MTCL2: variants seen among roughly 807,000 people sequenced by gnomAD.
The protein encoded by MTCL2 is microtubule cross-linking factor 2.
chr20:36,839,911 G>T, the MTCL2 span, among the ~76,000 whole-genome samples: 1 of 152,172 alleles, frequency 6.6e-6, no homozygotes, highest in Non-Finnish European at 1.5e-5. The surrounding 1 kb of genome is among the most constrained non-coding windows in gnomAD (Gnocchi z 5.1). Flanking sequence ...GCCCAGGCTG[G>T]AGTGTAGTGG....
the MTCL2 span, among the ~76,000 whole-genome samples, chr20:36,802,104 G>A: frequency 1.3e-5 from 2 of 151,968 alleles, no homozygotes; most frequent in Non-Finnish European, 2.9e-5. Flanking sequence ...TGGCCAACAT[G>A]GTGAAACCCT....
At chr20:36,796,895 T>C in the MTCL2 span, 1 of 1,613,934 alleles carries the variant, frequency 6.2e-7, no homozygotes. Flanking sequence ...TTTAAACCAT[T>C]TCCTCCAAGC....
the MTCL2 span, chr20:36,793,568 G>A: frequency 2.9e-4 from 453 of 1,551,504 alleles, 2 homozygotes; most frequent in Non-Finnish European, 7.1e-5. The surrounding 1 kb of genome is among the most constrained non-coding windows in gnomAD (Gnocchi z 6.8). Flanking sequence ...GACAGACTCC[G>A]TGCTCCCTGA....
the MTCL2 span, among the ~76,000 whole-genome samples, chr20:36,827,871 G>A: frequency 6.6e-6 from 1 of 152,196 alleles, no homozygotes; most frequent in Non-Finnish European, 1.5e-5. Flanking sequence ...TGAAGATGGT[G>A]CTCCGTGTTA....
At chr20:36,854,084 C>A in the MTCL2 span, among the ~76,000 whole-genome samples, 3 of 152,186 alleles carry the variant, frequency 2.0e-5, no homozygotes, top group Admixed American at 6.5e-5. Flanking sequence ...AAGCCTGAAG[C>A]TCCAGGACAC....
the MTCL2 span, among the ~76,000 whole-genome samples, chr20:36,811,410 C>G: frequency 1.3e-5 from 2 of 152,100 alleles, no homozygotes; most frequent in Non-Finnish European, 2.9e-5. Context: ...GGGAAGATCA[C>G]TTGAGCCCCA....
At chr20:36,842,391 C>T in the MTCL2 span, among the ~76,000 whole-genome samples, 2 of 152,190 alleles carry the variant, frequency 1.3e-5, no homozygotes, top group Non-Finnish European at 2.9e-5. Flanking sequence ...TATTATGTCT[C>T]ATACAAATGT....
chr20:36,858,628 C>A, the MTCL2 span, among the ~76,000 whole-genome samples: 853 of 152,236 alleles, frequency 5.6e-3, 12 homozygotes, highest in African/African-American at 0.02. Flanking sequence ...CCCAGTTCCT[C>A]CAAGAATGAA....
At chr20:36,790,997 A>G in the MTCL2 span, among the ~76,000 whole-genome samples, 1 of 152,246 alleles carries the variant, frequency 6.6e-6, no homozygotes, top group East Asian at 1.9e-4. Context: ...TTTGAAAAAC[A>G]ATTTGGCAGT....
the MTCL2 span, among the ~76,000 whole-genome samples, chr20:36,851,781 G>A: frequency 6.6e-6 from 1 of 152,168 alleles, no homozygotes; most frequent in African/African-American, 2.4e-5. Context: ...GATGTCAGGA[G>A]GACAGAGCCC....
the MTCL2 span, among the ~76,000 whole-genome samples, chr20:36,792,857 TAGAC>T: frequency 0.21 from 28,957 of 137,398 alleles, 2,999 homozygotes; most frequent in Admixed American, 0.26. Flanking sequence ...GATAGATAGA[TAGAC>T]AGACAGACAG....
the MTCL2 span, chr20:36,786,265 C>G: frequency 8.1e-7 from 1 of 1,237,746 alleles, no homozygotes; most frequent in Non-Finnish European, 1.0e-6. Flanking sequence ...CCACTCACTG[C>G]CTTCCCCTGG....
the MTCL2 span, chr20:36,777,530 A>T: frequency 2.5e-6 from 1 of 401,082 alleles, no homozygotes; most frequent in Non-Finnish European, 4.4e-6. Context: ...TCATGTCTGA[A>T]ATAAGACACA....
chr20:36,830,113 C>T, the MTCL2 span, among the ~76,000 whole-genome samples: 1 of 152,158 alleles, frequency 6.6e-6, no homozygotes, highest in Admixed American at 6.5e-5. Flanking sequence ...AGATTACAGG[C>T]ATGAGCCACT....
chr20:36,792,897 C>T, the MTCL2 span, among the ~76,000 whole-genome samples: 1,584 of 143,022 alleles, frequency 0.011, 39 homozygotes, highest in African/African-American at 0.038. Context: ...GACAGACAGA[C>T]AGATAGATAA....
the MTCL2 span, chr20:36,794,633 G>A: frequency 6.2e-7 from 1 of 1,613,728 alleles, no homozygotes; most frequent in East Asian, 2.2e-5. The surrounding 1 kb of genome is among the most constrained non-coding windows in gnomAD (Gnocchi z 5.4). Flanking sequence ...GTCGTTATTA[G>A]TGGAAATAAC....
the MTCL2 span, among the ~76,000 whole-genome samples, chr20:36,832,863 C>T: frequency 6.6e-6 from 1 of 152,026 alleles, no homozygotes; most frequent in African/African-American, 2.4e-5. Context: ...AAAAAAAAAT[C>T]ACAACTCCAG....
At chr20:36,804,988 A>G in the MTCL2 span, 4 of 1,474,110 alleles carry the variant, frequency 2.7e-6, no homozygotes, top group Admixed American at 1.9e-5. Flanking sequence ...CTAGGAGTCC[A>G]GCTTGGGACT....
chr20:36,793,156 C>G, the MTCL2 span: 1 of 1,396,658 alleles, frequency 7.2e-7, no homozygotes, highest in Non-Finnish European at 9.5e-7. The surrounding 1 kb of genome is among the most constrained non-coding windows in gnomAD (Gnocchi z 6.8). Flanking sequence ...CCACCCACCT[C>G]GGCCCATATC....
Sources: gnomAD v4.1 joint callset for allele counts (sites outside exome capture counted in the v4.1 genomes callset) on GRCh38, gnomAD v4.1.1 for gene constraint, Gnocchi (gnomAD v3.1) non-coding constraint, MANE v1.5 for transcripts, NCBI Gene and HGNC (gene_info 2026-07-23, HGNC 2026-07-21) for gene names.